Variants in YEATS4 observed in about 807,000 individuals in gnomAD.
YEATS4 encodes the protein YEATS domain-containing protein 4.
YEATS4 carries 17 observed loss-of-function variants against 30.1 expected under a neutral mutation model. That is an observed-to-expected ratio of 0.56 (90% CI 0.39 to 0.85). The LOEUF (loss-of-function observed/expected upper bound fraction) is 0.85. Ranked by LOEUF, YEATS4 falls within the 40% of genes least tolerant of loss-of-function variation. The probability of loss-of-function intolerance (pLI) is 0.00; values close to 1 mark genes in which losing one functional copy is unlikely to be tolerated. For synonymous variants in YEATS4, 85 were observed against 87.5 expected (o/e 0.97, Z 0.16); for missense variants, 142 against 268.3 (o/e 0.53, Z 3.29).
chr12:69,398,436 T>A, the YEATS4 span, among the ~76,000 whole-genome samples: 45,181 of 151,654 alleles, frequency 0.3, 8,425 homozygotes, highest in African/African-American at 0.53. Context: ...AATAAAAATT[T>A]TAAAAAAATT....
intron 6 of YEATS4, among the ~76,000 whole-genome samples, chr12:69,384,437 A>C (rs1220113420): frequency 6.6e-6 from 1 of 152,208 alleles, no homozygotes; most frequent in African/African-American, 2.4e-5. Flanking sequence ...CAATAAATTA[A>C]GTTTTCTGTG....
At chr12:69,399,376 T>C in the YEATS4 span, among the ~76,000 whole-genome samples, 1 of 152,104 alleles carries the variant, frequency 6.6e-6, no homozygotes, top group African/African-American at 2.4e-5. Flanking sequence ...AAAGAAGATA[T>C]TCAAATGGCC....
chr12:69,410,725 G>A, the YEATS4 span, among the ~76,000 whole-genome samples: 6 of 152,150 alleles, frequency 3.9e-5, no homozygotes, highest in African/African-American at 2.4e-5. Context: ...GAAACCTTCC[G>A]TGGTGAGACT....
At chr12:69,366,683 G>A (rs1418632690) in intron 4 of YEATS4, among the ~76,000 whole-genome samples, 1 of 148,102 alleles carries the variant, frequency 6.8e-6, no homozygotes, top group Non-Finnish European at 1.5e-5. Flanking sequence ...CAGTTTCAAG[G>A]CTTTCACATT....
the YEATS4 span, among the ~76,000 whole-genome samples, chr12:69,409,996 TCTGTAGATCAACCAA>T: frequency 1.3e-5 from 2 of 152,250 alleles, no homozygotes; most frequent in East Asian, 3.9e-4. Flanking sequence ...CAGAACCAAC[TCTGTAGATCAACCAA>T]CACCTTGACT....
the YEATS4 span, among the ~76,000 whole-genome samples, chr12:69,414,137 T>C: frequency 0.011 from 1,695 of 152,374 alleles, 37 homozygotes; most frequent in African/African-American, 0.039. Flanking sequence ...GCATACTAAT[T>C]GCATATTTGA....
At chr12:69,391,266 C>T (rs1021956919), downstream of YEATS4, among the ~76,000 whole-genome samples, 10 of 151,920 alleles carry the variant, frequency 6.6e-5, no homozygotes, top group African/African-American at 2.4e-4. Flanking sequence ...TGCACTCCAG[C>T]CTGGGCGGCA....
chr12:69,379,226 C>A (rs1875978276), intron 6 of YEATS4, among the ~76,000 whole-genome samples: 1 of 152,158 alleles, frequency 6.6e-6, no homozygotes, highest in African/African-American at 2.4e-5. Context: ...TGATTATAAA[C>A]TGCCTTGAGG....
chr12:69,364,147 CTG>C (rs1404867638), intron 2 of YEATS4: 3 of 447,250 alleles, frequency 6.7e-6, no homozygotes, highest in South Asian at 4.7e-5. Context: ...TTATGAGACT[CTG>C]TGAATATAAC....
intron 6 of YEATS4, among the ~76,000 whole-genome samples, chr12:69,372,701 A>AT (rs901217855): frequency 6.0e-5 from 9 of 151,206 alleles, no homozygotes; most frequent in South Asian, 4.2e-4. Flanking sequence ...CACCTGGCTA[A>AT]TTTTTTTTAT....
the YEATS4 span, among the ~76,000 whole-genome samples, chr12:69,397,541 C>T: frequency 7.0e-4 from 106 of 152,308 alleles, 1 homozygote; most frequent in Middle Eastern, 0.01. Context: ...CCCCTGCACA[C>T]GCTCTCTTGC....
At chr12:69,361,458 T>A (rs1192528380) in intron 1 of YEATS4, 2 of 152,174 alleles carry the variant, frequency 1.3e-5, no homozygotes, top group African/African-American at 4.8e-5. Flanking sequence ...GCCCAGCTAA[T>A]TTTGTATTTT....
chr12:69,425,892 C>A, the YEATS4 span, among the ~76,000 whole-genome samples: 39 of 152,320 alleles, frequency 2.6e-4, no homozygotes, highest in South Asian at 4.1e-3. Flanking sequence ...TTCTCCATCC[C>A]TGACTGACTT....
the YEATS4 span, among the ~76,000 whole-genome samples, chr12:69,398,534 C>A: frequency 6.6e-6 from 1 of 152,122 alleles, no homozygotes; most frequent in African/African-American, 2.4e-5. Flanking sequence ...GACAAATTGA[C>A]TGGATGCAGT....
At chr12:69,411,715 C>T in the YEATS4 span, among the ~76,000 whole-genome samples, 2 of 152,034 alleles carry the variant, frequency 1.3e-5, no homozygotes. Context: ...GTGCGAGACA[C>T]GAAGGAGGTG....
intron 6 of YEATS4, among the ~76,000 whole-genome samples, chr12:69,372,540 T>G (rs1189690347): frequency 6.7e-6 from 1 of 148,280 alleles, no homozygotes; most frequent in Non-Finnish European, 1.5e-5. Flanking sequence ...CTCATGAGTT[T>G]TTTTTTTTTT....
intron 6 of YEATS4, among the ~76,000 whole-genome samples, chr12:69,389,588 A>G (rs1254457398): frequency 1.6e-5 from 2 of 127,086 alleles, no homozygotes; most frequent in African/African-American, 6.3e-5. Context: ...ATCTCAGCTC[A>G]CTGCAACCTC....
chr12:69,379,583 A>ATTTT lies in YEATS4; in HGVS notation c.514+8642_514+8645dup, dbSNP rs61048163. 5.8e-4 allele frequency among the ~76,000 whole-genome samples: 42 copies of ATTTT among 72,300 alleles called. 5 individuals are homozygous for ATTTT. The highest frequency in any genetic ancestry group is 7.9e-4 in the Non-Finnish European group (31 of 39,106). The allele number at this position is 72,300 out of a possible 152,430, so 47.4% of individuals were successfully genotyped here. ...CACATGCCACCACTATGCCCAGCTAATTTTTTTTTTTTTTTTTTTTTTTTT... is the reference window on the plus strand; with the variant it reads ...CACATGCCACCACTATGCCCAGCTAATTTTTTTTTTTTTTTTTTTTTTTTTTTTT... On this transcript the variant is annotated intron_variant, in intron 6 of 6. Transcript: ENST00000247843.
chr12:69,416,959 G>C, the YEATS4 span, among the ~76,000 whole-genome samples: 1 of 151,608 alleles, frequency 6.6e-6, no homozygotes, highest in Non-Finnish European at 1.5e-5. Flanking sequence ...TGTAATCCCA[G>C]CTATTCGGGA....
Sources: gnomAD v4.1 joint callset for allele counts (sites outside exome capture counted in the v4.1 genomes callset) on GRCh38, gnomAD v4.1.1 for gene constraint, MANE v1.5 for transcripts, NCBI Gene and HGNC (gene_info 2026-07-23, HGNC 2026-07-21) for gene names.